The following CNDP1 variants were observed in gnomAD, a reference collection of about 807,000 sequenced individuals.
CNDP1 encodes carnosine dipeptidase 1.
In CNDP1, 44 loss-of-function variants were observed where a neutral mutation model predicts 58.1. The ratio of observed to expected loss-of-function variants is 0.76; its 90% CI spans 0.60 to 0.97. The LOEUF (loss-of-function observed/expected upper bound fraction) is 0.97, where lower values mean the gene tolerates loss of function less well. Among genes scored for constraint, CNDP1 ranks in the 50% least tolerant of loss-of-function variants. CNDP1 has a pLI of 0.00. For missense variants in CNDP1, 616 were observed against 655.1 expected (o/e 0.94, Z 0.65); for synonymous variants, 254 against 252.6 (o/e 1.01, Z -0.05).
At chr18:74,574,151 G>C (rs1292120923) in intron 7 of CNDP1, among the ~76,000 whole-genome samples, 1 of 152,234 alleles carries the variant, frequency 6.6e-6, no homozygotes, top group Non-Finnish European at 1.5e-5. Context: ...CAGGATGTGG[G>C]AATCCACGGG....
chr18:74,560,594 A>C (rs1981163903), intron 3 of CNDP1, among the ~76,000 whole-genome samples: 1 of 152,052 alleles, frequency 6.6e-6, no homozygotes, highest in Admixed American at 6.6e-5. Flanking sequence ...AGTCTCAGCT[A>C]CTTATGAGGA....
In CNDP1 at chr18:74,577,846, T is replaced by C. The variant is rs536776010; in HGVS notation, c.1003-317T>C. ...GTTTCTGAAAGGGCTCCTTTATCTA[T>C]GGCCATACCACACTGAACGTGCCCG... On this transcript the variant is annotated intron_variant, in intron 8 of 11. Transcript: ENST00000358821. 1.8e-5 allele frequency: 4 copies of C among 227,202 alleles called. No homozygotes were observed. In the South Asian group the frequency reaches 6.0e-4, roughly 34 times the overall value. 14.1% of individuals were successfully genotyped at this position (227,202 alleles called of 1,614,324 possible).
At chr18:74,582,992 T>G (rs976968208) in intron 10 of CNDP1, among the ~76,000 whole-genome samples, 1 of 152,180 alleles carries the variant, frequency 6.6e-6, no homozygotes, top group Non-Finnish European at 1.5e-5. Flanking sequence ...AAAATAAAAT[T>G]TTTATTTACA....
At chr18:74,559,573 AC>A in intron 3 of CNDP1, 101 bp downstream of exon 3, 5 of 1,052,238 alleles carry the variant, frequency 4.8e-6, no homozygotes, top group Non-Finnish European at 6.7e-6. Context: ...ATCCTCAACC[AC>A]AACCCCCCAT....
chr18:74,570,386 G>A (rs1370687362), intron 6 of CNDP1, among the ~76,000 whole-genome samples: 19 of 152,130 alleles, frequency 1.2e-4, no homozygotes, highest in Non-Finnish European at 1.5e-5. Context: ...CAGAGCCTTT[G>A]GTGGCAGATG....
At chr18:74,567,527 G>T in intron 6 of CNDP1, 94 bp downstream of exon 6, 1 of 1,147,472 alleles carries the variant, frequency 8.7e-7, no homozygotes, top group Non-Finnish European at 1.3e-6. Context: ...AAGAAAGAAA[G>T]CTTTCCTGAG....
rs1981646232 is a variant in CNDP1 at position 74,576,781 on chromosome 18, T to C, written c.842-88T>C. ...ACAGTCAAGAGGCCTGCTGCAACCC[T>C]GAAGAGTCCTCCCACAGTCTGGCTC... is the stretch of plus-strand genomic sequence containing the variant. On this transcript the variant is annotated intron_variant, in intron 7 of 11. Transcript: ENST00000358821. The C allele has an allele frequency of 1.9e-5, 25 of 1,294,628 alleles. 1 individual carries two copies. The East Asian group carries it at 6.0e-4, about 31-fold the overall frequency. 80.2% of individuals were successfully genotyped at this position (1,294,628 alleles called of 1,614,324 possible).
At chr18:74,556,743 C>G (rs1030584630) in intron 2 of CNDP1, among the ~76,000 whole-genome samples, 2 of 152,194 alleles carry the variant, frequency 1.3e-5, no homozygotes, top group African/African-American at 2.4e-5. Context: ...CTCCGCTGAG[C>G]TCAAGTCTGC....
At chr18:74,543,448 A>G (rs1324668449) in intron 1 of CNDP1, among the ~76,000 whole-genome samples, 1 of 152,104 alleles carries the variant, frequency 6.6e-6, no homozygotes, top group Non-Finnish European at 1.5e-5. Flanking sequence ...AACGATGATC[A>G]CACCACTGTA....
intron 1 of CNDP1, among the ~76,000 whole-genome samples, chr18:74,551,631 G>T (rs1271571849): frequency 6.6e-6 from 1 of 152,158 alleles, no homozygotes; most frequent in Non-Finnish European, 1.5e-5. Context: ...CAGGGCCACT[G>T]TCAGGTCAGG....
chr18:74,571,783 G>A (rs545132916), intron 7 of CNDP1, among the ~76,000 whole-genome samples: 5 of 152,156 alleles, frequency 3.3e-5, no homozygotes, highest in Non-Finnish European at 7.4e-5. Context: ...TGTTTTTCAC[G>A]ACAGACTGGC....
At position 74,542,088 on chromosome 18, in the gene CNDP1, C is replaced by T. The variant is rs78111004; in HGVS notation, c.24+7397C>T. Among the ~76,000 whole-genome samples, 1,402 of 152,298 alleles carry T rather than the reference C, an allele frequency of 9.2e-3. 27 individuals are homozygous for T. Among genetic ancestry groups the T allele is most frequent in the Non-Finnish European group, 8.3e-3 (562 of 68,032 alleles). ...AGTGCATGGCGCTCAGGGAGAAACG[C>T]GTTTGCATGTTTCAGTTTCACAGTT... On this transcript the variant is annotated intron_variant, in intron 1 of 11. Transcript: ENST00000358821.
intron 1 of CNDP1, among the ~76,000 whole-genome samples, chr18:74,552,170 A>C (rs1002438821): frequency 6.6e-6 from 1 of 152,132 alleles, no homozygotes; most frequent in Non-Finnish European, 1.5e-5. Context: ...TCTTACCTTG[A>C]CCTTGCTTTT....
chr18:74,534,630 G>A lies in CNDP1; in HGVS notation c.-38G>A, dbSNP rs750712035. On this transcript the variant is annotated 5_prime_UTR_variant, in exon 1 of 12. Coordinates refer to ENST00000358821, the MANE Select transcript of CNDP1 (RefSeq NM_032649.6). ...ACTCCCTCTGCCACATTTTTTGGAGGTTGGGAAAGTTGCTAGAGGCTTCAG... is the reference window on the plus strand; with the variant it reads ...ACTCCCTCTGCCACATTTTTTGGAGATTGGGAAAGTTGCTAGAGGCTTCAG... The A allele has an allele frequency of 6.8e-6, 11 of 1,613,398 alleles. No individual in the cohort carries two copies. The Admixed American group carries it at 1.5e-4, about 22-fold the overall frequency.
chr18:74,587,148 A>G lies in CNDP1; in HGVS notation c.*2586A>G, dbSNP rs951274542. On this transcript the variant is annotated 3_prime_UTR_variant, in exon 12 of 12. Transcript: ENST00000358821. The stretch of plus-strand genomic sequence containing the variant: ...TTGGTAGATGCTTTTCTGGAAAACA[A>G]TGAGGCTGGGAATGTTTCTGGCTTT... 19 of 152,290 alleles carry G rather than the reference A, an allele frequency of 1.2e-4. No individual in the cohort carries two copies. The highest frequency in any genetic ancestry group is 4.3e-4 in the African/African-American group (18 of 41,454). 9.4% of individuals were successfully genotyped at this position (152,290 alleles called of 1,614,324 possible).
chr18:74,561,335 C>T (rs111627519), intron 4 of CNDP1: 28 of 216,602 alleles, frequency 1.3e-4, no homozygotes, highest in Non-Finnish European at 2.5e-4. Flanking sequence ...ATTGCTTGAA[C>T]CTGGGAGGCG....
rs1296747157 is a variant in CNDP1 at position 74,559,465 on chromosome 18, C to T, written c.296C>T (p.Pro99Leu). Residue 99 changes from proline to leucine, a missense_variant, in exon 3 of 12, where the codon CCT becomes CTT. Physicochemically the swap from Pro to Leu is moderately conservative, Grantham distance 98. Coordinates refer to ENST00000358821, the MANE Select transcript of CNDP1 (RefSeq NM_032649.6). ...CGTGTGGCCTCGGTGGACATGGGTC[C>T]TCAGCAGGTGCTGTACGATTCCCTC... ...GARVASVDMG[P>L]QQLPDGQSLP... 1 of 1,607,716 alleles carries T rather than the reference C, an allele frequency of 6.2e-7. No individual in the cohort carries two copies. Among genetic ancestry groups the T allele is most frequent in the African/African-American group, 1.3e-5 (1 of 74,826 alleles).
At chr18:74,571,051 A>C (rs774744982) in intron 6 of CNDP1, 135 bp from the exon 7 acceptor site, 7 of 599,934 alleles carry the variant, frequency 1.2e-5, no homozygotes, top group Non-Finnish European at 2.1e-5. Context: ...GAAACACAGA[A>C]AGTGAAGTCA....
At chr18:74,561,152 C>A (rs1462101693) in intron 4 of CNDP1, 134 bp downstream of exon 4, 2 of 1,089,820 alleles carry the variant, frequency 1.8e-6, no homozygotes, top group South Asian at 1.6e-5. Flanking sequence ...CGGTGGCTCA[C>A]GCTTGTAATC....
Sources: allele counts gnomAD v4.1 joint callset (sites outside exome capture counted in the v4.1 genomes callset), GRCh38; gene constraint gnomAD v4.1.1; transcripts MANE v1.5; gene names NCBI Gene and HGNC (gene_info 2026-07-23, HGNC 2026-07-21).